CSMD1: variants seen among roughly 807,000 people sequenced by gnomAD.
CSMD1 encodes CUB and sushi domain-containing protein 1.
CSMD1 carries 213 observed loss-of-function variants against 417.5 expected under a neutral mutation model. The ratio of observed to expected loss-of-function variants is 0.51; its 90% confidence interval spans 0.46 to 0.57. The LOEUF (loss-of-function observed/expected upper bound fraction) is 0.57, where lower values mean the gene tolerates loss of function less well. Among genes scored for constraint, CSMD1 ranks in the 20% least tolerant of loss-of-function variants. The probability of loss-of-function intolerance (pLI) is 0.00; values close to 1 mark genes in which losing one functional copy is unlikely to be tolerated. For synonymous variants in CSMD1, 2,862 were observed against 1,736.8 expected, an observed-to-expected ratio of 1.65 and a Z score of -16.11; for missense variants, 6,923 against 4,529.7, an observed-to-expected ratio of 1.53 and a Z score of -15.17.
At chr8:3,640,613 C>G (rs1486310233) in intron 7 of CSMD1, among the ~76,000 whole-genome samples, 1 of 152,178 alleles carries the variant, frequency 6.6e-6, no homozygotes, top group Non-Finnish European at 1.5e-5. Context: ...AAGGTGGTCT[C>G]TGAGACCTCA....
chr8:4,684,386 A>G (rs937213615), intron 1 of CSMD1, among the ~76,000 whole-genome samples: 9 of 152,230 alleles, frequency 5.9e-5, no homozygotes, highest in Admixed American at 3.9e-4. Flanking sequence ...AAACTTACTC[A>G]TCAAATTTCA....
rs377021465 is a variant in CSMD1 at position 4,146,962 on chromosome 8, C to A, written c.416-114863G>T. 1.6e-4 allele frequency among the ~76,000 whole-genome samples: 23 copies of A among 144,300 alleles called. 1 individual carries two copies. Among genetic ancestry groups the A allele is most frequent in the East Asian group, 1.2e-3 (6 of 5,128 alleles). The allele number at this position is 144,300 out of a possible 152,430, so 94.7% of individuals were successfully genotyped here. ...AACTCACCTCACCGGCATCAGGCAT[C>A]TTCATCAGGTAAGAGCTCCGCCAGC... On this transcript the variant is annotated intron_variant, in intron 3 of 69. Transcript: ENST00000635120.
intron 10 of CSMD1, among the ~76,000 whole-genome samples, chr8:3,549,528 G>T (rs1033153543): frequency 2.0e-5 from 3 of 152,132 alleles, no homozygotes; most frequent in African/African-American, 7.2e-5. Context: ...TCCTTTCTTG[G>T]ATGGATAAAT....
intron 2 of CSMD1, among the ~76,000 whole-genome samples, chr8:4,571,926 G>A (rs767044473): frequency 1.3e-5 from 2 of 152,166 alleles, no homozygotes; most frequent in African/African-American, 2.4e-5. Context: ...TGTTTTATCA[G>A]AGACTAGGAT....
At chr8:3,291,698 C>T (rs553569954) in intron 25 of CSMD1, among the ~76,000 whole-genome samples, 1 of 151,694 alleles carries the variant, frequency 6.6e-6, no homozygotes, top group South Asian at 2.1e-4. Flanking sequence ...TTTATTATGT[C>T]TATTTGATTC....
At chr8:4,321,231 T>G (rs1799256614) in intron 3 of CSMD1, among the ~76,000 whole-genome samples, 1 of 152,136 alleles carries the variant, frequency 6.6e-6, no homozygotes, top group African/African-American at 2.4e-5. Context: ...TCATGAGGCG[T>G]GCCTACAGCT....
chr8:4,148,761 G>C (rs1001388704), intron 3 of CSMD1, among the ~76,000 whole-genome samples: 20 of 152,140 alleles, frequency 1.3e-4, no homozygotes, highest in African/African-American at 4.8e-4. Context: ...ACATCCTAAT[G>C]CCATCACCCT....
chr8:4,701,725 T>C (rs1235015486), intron 1 of CSMD1, among the ~76,000 whole-genome samples: 3 of 151,986 alleles, frequency 2.0e-5, no homozygotes, highest in Non-Finnish European at 2.9e-5. Context: ...ATAACATTCC[T>C]CTTTTTCTAA....
At chr8:3,761,519 T>A (rs368355187) in intron 5 of CSMD1, among the ~76,000 whole-genome samples, 1 of 149,114 alleles carries the variant, frequency 6.7e-6, no homozygotes, top group Non-Finnish European at 1.5e-5. Flanking sequence ...TTTTTTTTTT[T>A]TTTTGAGATG....
chr8:3,481,093 T>A (rs1817717679), intron 11 of CSMD1, among the ~76,000 whole-genome samples: 1 of 147,694 alleles, frequency 6.8e-6, no homozygotes, highest in South Asian at 2.2e-4. Context: ...AAGGCGGAGC[T>A]TGCAGTGAGC....
chr8:3,463,258 C>G (rs919346975), intron 12 of CSMD1, among the ~76,000 whole-genome samples: 1 of 152,158 alleles, frequency 6.6e-6, no homozygotes, highest in Non-Finnish European at 1.5e-5. Context: ...AAGCACACTC[C>G]CAATACCTCC....
chr8:3,583,166 T>C (rs1009614748), intron 9 of CSMD1, among the ~76,000 whole-genome samples: 2 of 152,014 alleles, frequency 1.3e-5, no homozygotes, highest in African/African-American at 2.4e-5. Flanking sequence ...GTGCCAGCCC[T>C]ACCAATCATG....
intron 1 of CSMD1, among the ~76,000 whole-genome samples, chr8:4,862,003 G>C (rs1002655593): frequency 1.1e-4 from 16 of 152,138 alleles, no homozygotes; most frequent in African/African-American, 3.6e-4. Context: ...TGAAAATAAA[G>C]TAGGATTTTG....
At chr8:4,622,515 C>T (rs1563342832) in intron 2 of CSMD1, among the ~76,000 whole-genome samples, 1 of 152,146 alleles carries the variant, frequency 6.6e-6, no homozygotes, top group African/African-American at 2.4e-5. Flanking sequence ...GTCTCTTCCT[C>T]CTGCTGTGTC....
intron 5 of CSMD1, among the ~76,000 whole-genome samples, chr8:3,883,196 C>A (rs548097213): frequency 6.6e-6 from 1 of 152,060 alleles, no homozygotes; most frequent in Admixed American, 6.6e-5. Context: ...GCAAGAAATG[C>A]AATTTACTAG....
intron 2 of CSMD1, among the ~76,000 whole-genome samples, chr8:4,451,147 G>T (rs12544832): frequency 3.9e-5 from 6 of 151,962 alleles, no homozygotes; most frequent in African/African-American, 1.5e-4. Context: ...GGGCAACACA[G>T]TAAGACCCTG....
chr8:3,943,880 G>A (rs1384748041), intron 5 of CSMD1, among the ~76,000 whole-genome samples: 4 of 152,090 alleles, frequency 2.6e-5, no homozygotes, highest in Admixed American at 1.3e-4. Flanking sequence ...AAAGAGACAT[G>A]GCAGCTAAAT....
At chr8:3,370,908 G>A (rs917872719) in intron 18 of CSMD1, among the ~76,000 whole-genome samples, 2 of 152,014 alleles carry the variant, frequency 1.3e-5, no homozygotes, top group African/African-American at 4.8e-5. Flanking sequence ...CCCGGGATGC[G>A]GAGGTTGCAG....
rs193221534 is a variant in CSMD1, at chr8:3,650,279, G to C, written c.1010-33482C>G. Among the ~76,000 whole-genome samples, 39 of 145,664 alleles carry C rather than the reference G, an allele frequency of 2.7e-4. No homozygotes were observed. The East Asian group carries it at 7.4e-3, about 28-fold the overall frequency. On this transcript the variant is annotated intron_variant, in intron 7 of 69. Transcript: ENST00000635120. ...GGTGACAGAGCAAGACTCTTTCTCA[G>C]AAAAAAAAAAGAAAAGTAAAGAAAA...
Sources: allele counts gnomAD v4.1 joint callset (sites outside exome capture counted in the v4.1 genomes callset), GRCh38; gene constraint gnomAD v4.1.1; transcripts MANE v1.5; gene names NCBI Gene and HGNC (gene_info 2026-07-23, HGNC 2026-07-21).